Variants in THSD4 observed in about 807,000 individuals in gnomAD.
The protein encoded by THSD4 is thrombospondin type-1 domain-containing protein 4.
A neutral mutation model predicts 119.0 loss-of-function variants in THSD4; 69 were observed. The observed-to-expected ratio is 0.58, with a 90% CI of 0.48 to 0.71. The LOEUF (loss-of-function observed/expected upper bound fraction) is 0.71. Ranked by LOEUF, THSD4 falls within the 30% of genes least tolerant of loss-of-function variation. THSD4 has a pLI of 0.00. For synonymous variants in THSD4, 524 were observed against 540.4 expected, an observed-to-expected ratio of 0.97 and a Z score of 0.42; for missense variants, 1,393 against 1,391.1, an observed-to-expected ratio of 1.00 and a Z score of -0.02.
At chr15:71,752,683 A>C (rs1226048432) in intron 14 of THSD4, among the ~76,000 whole-genome samples, 2 of 152,166 alleles carry the variant, frequency 1.3e-5, no homozygotes, top group Non-Finnish European at 2.9e-5. Context: ...CAGTTTTTTC[A>C]ACTGTAACAT....
At chr15:71,664,036 G>A (rs989723409) in intron 8 of THSD4, among the ~76,000 whole-genome samples, 3 of 151,546 alleles carry the variant, frequency 2.0e-5, no homozygotes, top group Non-Finnish European at 2.9e-5. Flanking sequence ...AGGCTGGAGT[G>A]CAGTGGCGCC....
At chr15:71,511,901 T>A (rs2048289309) in intron 7 of THSD4, among the ~76,000 whole-genome samples, 1 of 152,214 alleles carries the variant, frequency 6.6e-6, no homozygotes, top group African/African-American at 2.4e-5. Context: ...TTTTATTCAG[T>A]TAGTGTTTAT....
intron 8 of THSD4, among the ~76,000 whole-genome samples, chr15:71,700,578 AT>A (rs1223134938): frequency 6.6e-6 from 1 of 152,148 alleles, no homozygotes; most frequent in Non-Finnish European, 1.5e-5. Context: ...TGATTTTAAA[AT>A]TCATCTAGAA....
chr15:71,462,360 T>A (rs1304982695), intron 7 of THSD4, among the ~76,000 whole-genome samples: 1 of 152,142 alleles, frequency 6.6e-6, no homozygotes, highest in African/African-American at 2.4e-5. Flanking sequence ...TCTCCTTGTG[T>A]TGCCCAGGCT....
At chr15:71,774,318 A>AC (rs2053875791) in intron 17 of THSD4, among the ~76,000 whole-genome samples, 1 of 121,190 alleles carries the variant, frequency 8.3e-6, no homozygotes, top group East Asian at 2.0e-4. Context: ...CTCAAAAAAA[A>AC]AAAAAAAAAC....
intron 7 of THSD4, among the ~76,000 whole-genome samples, chr15:71,605,432 T>C (rs1009045677): frequency 1.3e-5 from 2 of 152,192 alleles, no homozygotes; most frequent in Admixed American, 1.3e-4. Context: ...TCTAATATGA[T>C]CATTCTGACT....
chr15:71,509,329 A>C (rs1361750535), intron 7 of THSD4, among the ~76,000 whole-genome samples: 2 of 152,184 alleles, frequency 1.3e-5, no homozygotes, highest in Non-Finnish European at 2.9e-5. Flanking sequence ...GCCCCTGTGG[A>C]CTTGGAGACA....
intron 6 of THSD4, among the ~76,000 whole-genome samples, chr15:71,286,552 A>G (rs898245413): frequency 3.9e-5 from 6 of 152,188 alleles, no homozygotes; most frequent in Admixed American, 3.3e-4. Flanking sequence ...TAGTCAGTCT[A>G]TCCTTGATGG....
chr15:71,472,182 G>A (rs1362388500), intron 7 of THSD4, among the ~76,000 whole-genome samples: 3 of 152,112 alleles, frequency 2.0e-5, no homozygotes, highest in African/African-American at 7.2e-5. Flanking sequence ...CTCCTAAAGT[G>A]CTGGAATTAC....
chr15:71,669,888 A>C (rs1426166838), intron 8 of THSD4, among the ~76,000 whole-genome samples: 1 of 152,208 alleles, frequency 6.6e-6, no homozygotes, highest in East Asian at 1.9e-4. Flanking sequence ...AGTAGGATAA[A>C]CACGAATTGC....
At chr15:71,422,714 G>A (rs921517180) in intron 7 of THSD4, among the ~76,000 whole-genome samples, 5 of 152,220 alleles carry the variant, frequency 3.3e-5, no homozygotes, top group Admixed American at 1.3e-4. Context: ...TTCACTCAAG[G>A]CCCTAGAGCC....
At chr15:71,709,045 G>C (rs868233944) in intron 8 of THSD4, among the ~76,000 whole-genome samples, 1 of 152,196 alleles carries the variant, frequency 6.6e-6, no homozygotes, top group Non-Finnish European at 1.5e-5. Flanking sequence ...GTGGTGTACA[G>C]ATCACAAAAT....
chr15:71,757,647 A>G (rs759335958), intron 14 of THSD4, among the ~76,000 whole-genome samples: 1 of 152,138 alleles, frequency 6.6e-6, no homozygotes, highest in East Asian at 1.9e-4. Flanking sequence ...TCTAACAAGT[A>G]TAAGTGTATT....
At chr15:71,294,396 A>T (rs2044833363) in intron 6 of THSD4, among the ~76,000 whole-genome samples, 1 of 152,120 alleles carries the variant, frequency 6.6e-6, no homozygotes, top group Non-Finnish European at 1.5e-5. Context: ...GCTGAGTTGG[A>T]CGGGTCCCTT....
chr15:71,777,204 G>A (rs1287713302), intron 17 of THSD4, 28 bp from the exon 18 acceptor site: 2 of 1,614,098 alleles, frequency 1.2e-6, no homozygotes, highest in Middle Eastern at 1.7e-4. Context: ...TGCTCAGGGA[G>A]TCTTCTGTTC....
At chr15:71,113,061 C>A (rs913988984), upstream of THSD4, among the ~76,000 whole-genome samples, 16 of 152,160 alleles carry the variant, frequency 1.1e-4, no homozygotes. Flanking sequence ...TGGTGGCGCA[C>A]GCCTGTAGTC....
intron 6 of THSD4, among the ~76,000 whole-genome samples, chr15:71,263,339 A>ATATATATATATATATATATATATATG (rs2044424741): frequency 1.3e-5 from 2 of 149,910 alleles, no homozygotes; most frequent in South Asian, 2.1e-4. Flanking sequence ...TGGTATATAT[A>ATATATATATATATATATATATATATG]TATATATACG....
chr15:71,222,168 T>C (rs1435127214), intron 4 of THSD4, among the ~76,000 whole-genome samples: 1 of 152,214 alleles, frequency 6.6e-6, no homozygotes, highest in African/African-American at 2.4e-5. Context: ...AAAGACTCCC[T>C]GTGGCCCAGA....
intron 11 of THSD4, among the ~76,000 whole-genome samples, chr15:71,741,247 T>A (rs2053228355): frequency 6.6e-6 from 1 of 152,170 alleles, no homozygotes; most frequent in African/African-American, 2.4e-5. Flanking sequence ...TCGAAGCATT[T>A]TGGGAGGCCA....
Sources: allele counts gnomAD v4.1 joint callset (sites outside exome capture counted in the v4.1 genomes callset), GRCh38; gene constraint gnomAD v4.1.1; transcripts MANE v1.5; gene names NCBI Gene and HGNC (gene_info 2026-07-23, HGNC 2026-07-21).